The following ANKRD36C variants were observed in gnomAD, a reference collection of about 807,000 sequenced individuals.
ANKRD36C encodes the protein ankyrin repeat domain-containing protein 36C.
Under a neutral mutation model 276.4 loss-of-function variants are expected in ANKRD36C, and 61 were observed. The ratio of observed to expected loss-of-function variants is 0.22; its 90% CI spans 0.18 to 0.27. The LOEUF (loss-of-function observed/expected upper bound fraction) is 0.27. Among genes scored for constraint, ANKRD36C ranks in the 10% least tolerant of loss-of-function variants. The probability of loss-of-function intolerance (pLI) is 1.00; values close to 1 mark genes in which losing one functional copy is unlikely to be tolerated. For missense variants in ANKRD36C, 1,447 were observed against 2,032.3 expected (o/e 0.71, Z 5.54); for synonymous variants, 483 against 680.1 (o/e 0.71, Z 4.51).
chr2:95,957,468 G>A (rs1314759410), intron 12 of ANKRD36C, among the ~76,000 whole-genome samples: 2 of 150,168 alleles, frequency 1.3e-5, no homozygotes, highest in African/African-American at 2.4e-5. Context: ...CCTATTATAT[G>A]CTATTCATTA....
At chr2:95,875,024 C>G (rs1675910884) in intron 59 of ANKRD36C, among the ~76,000 whole-genome samples, 2 of 152,134 alleles carry the variant, frequency 1.3e-5, no homozygotes, top group African/African-American at 4.8e-5. Flanking sequence ...AAAAAGTCTG[C>G]AAACAACAGG....
chr2:95,884,295 G>A (rs748769124), intron 53 of ANKRD36C, 45 bp downstream of exon 73: 29 of 1,610,160 alleles, frequency 1.8e-5, no homozygotes, highest in Non-Finnish European at 2.5e-5. Context: ...ATGTTTCATA[G>A]ACTATACAAT....
At chr2:95,926,189 G>A (rs1180527394) in intron 28 of ANKRD36C, among the ~76,000 whole-genome samples, 1 of 151,450 alleles carries the variant, frequency 6.6e-6, no homozygotes, top group Non-Finnish European at 1.5e-5. Context: ...CTACAGAAAG[G>A]TTCTTCGTCC....
At chr2:95,889,987 A>G in exon 47 of ANKRD36C, 1 of 1,609,670 alleles carries the variant, frequency 6.2e-7, no homozygotes. Flanking sequence ...GTTGTTTATG[A>G]GAAGACACTG....
chr2:95,929,865 G>A (rs989169387), intron 24 of ANKRD36C, among the ~76,000 whole-genome samples: 5 of 151,442 alleles, frequency 3.3e-5, no homozygotes, highest in African/African-American at 7.3e-5. Context: ...GTGTAATAAT[G>A]TGCCTATATC....
intron 42 of ANKRD36C, 82 bp downstream of exon 44, chr2:95,912,162 A>G (rs1340706415): frequency 6.6e-7 from 1 of 1,519,444 alleles, no homozygotes; most frequent in South Asian, 1.2e-5. Context: ...TGCAGCTTCG[A>G]CCAGCCCCCC....
chr2:95,922,082 G>A (rs970232419), intron 32 of ANKRD36C, among the ~76,000 whole-genome samples: 7 of 151,624 alleles, frequency 4.6e-5, no homozygotes, highest in African/African-American at 1.7e-4. Flanking sequence ...AAAAGGGTAT[G>A]CCAAGTGATC....
chr2:95,873,643 C>T (rs2104302658), intron 59 of ANKRD36C, among the ~76,000 whole-genome samples: 1 of 152,376 alleles, frequency 6.6e-6, no homozygotes, highest in Non-Finnish European at 1.5e-5. Context: ...TCTCTCACCA[C>T]TCCTATTCAA....
intron 59 of ANKRD36C, 83 bp from the exon 80 acceptor site, chr2:95,867,664 T>A: frequency 6.5e-7 from 1 of 1,539,936 alleles, no homozygotes; most frequent in South Asian, 1.2e-5. Flanking sequence ...GAATTGCCCA[T>A]CTGTTTATAT....
intron 46 of ANKRD36C, 39 bp downstream of exon 66, chr2:95,891,626 C>T (rs1349064626): frequency 6.5e-7 from 1 of 1,536,280 alleles, no homozygotes; most frequent in East Asian, 2.4e-5. Flanking sequence ...TCTTATCTAT[C>T]TGCACTGAAC....
At chr2:95,918,120 T>C in intron 34 of ANKRD36C, 78 bp from the exon 37 acceptor site, 1 of 1,551,062 alleles carries the variant, frequency 6.4e-7, no homozygotes, top group Non-Finnish European at 8.7e-7. Context: ...AGTGTTAGCA[T>C]CAAGCTGTAT....
Position 95,923,148 on chromosome 2 carries a change from C to T in ANKRD36C, c.2143+347G>A, listed in dbSNP as rs1025476281. ...ATCTGTTTTTAGCAATACGATGTGACGTCTGTAAAATCTATACTTCAACTC... is the reference window on the plus strand; with the variant it reads ...ATCTGTTTTTAGCAATACGATGTGATGTCTGTAAAATCTATACTTCAACTC... On this transcript the variant is annotated intron_variant, in intron 32 of 66. Coordinates refer to ENST00000456556, the Ensembl canonical transcript of ANKRD36C. 1.3e-4 allele frequency among the ~76,000 whole-genome samples: 20 copies of T among 151,644 alleles called. 1 individual carries two copies. The highest frequency in any genetic ancestry group is 1.1e-3 in the Admixed American group (17 of 15,208).
At chr2:95,910,411 A>G (rs1316714765) in intron 42 of ANKRD36C, 7 of 1,554,934 alleles carry the variant, frequency 4.5e-6, no homozygotes, top group East Asian at 2.4e-5. Flanking sequence ...TTCTCTGGCT[A>G]TACTCAAAAC....
At position 95,912,114 on chromosome 2, in the gene ANKRD36C, T is replaced by G. The variant is rs1256665454; in HGVS notation, c.2653+130A>C. 4 of 1,329,964 alleles carry G rather than the reference T, an allele frequency of 3.0e-6. No homozygotes were observed. The East Asian group carries it at 1.0e-4, about 33-fold the overall frequency. The allele number at this position is 1,329,964 out of a possible 1,614,324, so 82.4% of individuals were successfully genotyped here. On this transcript the variant is annotated intron_variant, in intron 42 of 66. Transcript: ENST00000456556. ...AGCATCAGCATAACCCAAGAACTTATTAGAAATGAAGAATCTCAGGCCTGC... is the reference window on the plus strand; with the variant it reads ...AGCATCAGCATAACCCAAGAACTTAGTAGAAATGAAGAATCTCAGGCCTGC...
At chr2:95,974,413 C>T (rs2918849) in intron 6 of ANKRD36C, among the ~76,000 whole-genome samples, 1 of 152,084 alleles carries the variant, frequency 6.6e-6, no homozygotes, top group Non-Finnish European at 1.5e-5. Flanking sequence ...AAAGAAAATC[C>T]TATATAGTTG....
Position 95,917,758 on chromosome 2 carries a change from C to T in ANKRD36C, c.2347+97G>A, listed in dbSNP as rs1309884521. 1.2e-5 allele frequency: 17 copies of T among 1,432,546 alleles called. No homozygotes were observed. In the East Asian group the frequency reaches 2.2e-4, roughly 19 times the overall value. 88.7% of individuals were successfully genotyped at this position (1,432,546 alleles called of 1,614,324 possible). A position where few individuals can be genotyped will look rare whatever the true frequency, so the allele number is the denominator to read the frequency against. On this transcript the variant is annotated intron_variant, in intron 36 of 66. Transcript: ENST00000456556. The stretch of plus-strand genomic sequence containing the variant: ...GCTGGATCAGAATGTGCAGCTTTGG[C>T]GAGCACCCCCAACCGCCCTCCGCTG...
chr2:95,911,719 G>A (rs1405540429), intron 42 of ANKRD36C, among the ~76,000 whole-genome samples: 3 of 151,436 alleles, frequency 2.0e-5, no homozygotes, highest in Non-Finnish European at 4.4e-5. Flanking sequence ...AGTTCACTCA[G>A]GATTCCTCCG....
At chr2:95,980,511 T>G (rs1412886327) in intron 5 of ANKRD36C, 137 bp downstream of exon 5, 3 of 1,299,948 alleles carry the variant, frequency 2.3e-6, no homozygotes, top group Non-Finnish European at 3.1e-6. Flanking sequence ...TCTCGAAAAC[T>G]TAAAAACTTG....
chr2:95,850,058 G>T (rs1675257370), downstream of ANKRD36C, among the ~76,000 whole-genome samples: 2 of 152,264 alleles, frequency 1.3e-5, no homozygotes, highest in South Asian at 2.1e-4. Flanking sequence ...CTAAGAGAAA[G>T]TCAGTATATG....
Sources: allele counts gnomAD v4.1 joint callset (sites outside exome capture counted in the v4.1 genomes callset), GRCh38; gene constraint gnomAD v4.1.1; transcripts MANE v1.5; gene names NCBI Gene and HGNC (gene_info 2026-07-23, HGNC 2026-07-21).